The following TAFA1 variants were observed in gnomAD, a reference collection of about 807,000 sequenced individuals.
The protein encoded by TAFA1 is TAFA chemokine like family member 1.
Under a neutral mutation model 18.5 loss-of-function variants are expected in TAFA1, and 4 were observed. The ratio of observed to expected loss-of-function variants is 0.22; its 90% CI spans 0.11 to 0.49. The LOEUF (loss-of-function observed/expected upper bound fraction) is 0.49, where lower values mean the gene tolerates loss of function less well. TAFA1 is among the 20% of genes least tolerant of loss of function. The pLI, the probability that TAFA1 is intolerant of heterozygous loss-of-function variation, is 0.98. For missense variants in TAFA1, 147 were observed against 169.0 expected (o/e 0.87, Z 0.72); for synonymous variants, 56 against 55.2 (o/e 1.01, Z -0.06).
At chr3:68,147,315 A>G (rs899782498) in intron 2 of TAFA1, among the ~76,000 whole-genome samples, 2 of 151,920 alleles carry the variant, frequency 1.3e-5, no homozygotes, top group Non-Finnish European at 2.9e-5. Context: ...GAGCCAGCCA[A>G]ATTATCCAAA....
intron 2 of TAFA1, among the ~76,000 whole-genome samples, chr3:68,187,458 G>C (rs2066284807): frequency 6.6e-6 from 1 of 151,996 alleles, no homozygotes; most frequent in Admixed American, 6.6e-5. Context: ...ATGGTGGGCT[G>C]ATACACTCAT....
intron 3 of TAFA1, among the ~76,000 whole-genome samples, chr3:68,440,888 G>T (rs922198235): frequency 6.6e-6 from 1 of 152,158 alleles, no homozygotes; most frequent in Non-Finnish European, 1.5e-5. Flanking sequence ...GGAGCCCAAA[G>T]TGTCCAGGTG....
chr3:68,329,426 C>T (rs2068828807), intron 2 of TAFA1, among the ~76,000 whole-genome samples: 1 of 151,740 alleles, frequency 6.6e-6, no homozygotes, highest in Admixed American at 6.6e-5. Context: ...CAAAGACTGC[C>T]CCTCAAGGAT....
At chr3:68,231,989 GC>G (rs1428602243) in intron 2 of TAFA1, among the ~76,000 whole-genome samples, 33 of 152,078 alleles carry the variant, frequency 2.2e-4, no homozygotes, top group African/African-American at 8.0e-4. Flanking sequence ...TATTTTTGAT[GC>G]AAGTGTACAG....
chr3:68,134,768 G>A (rs1575637055), intron 2 of TAFA1, among the ~76,000 whole-genome samples: 1 of 152,176 alleles, frequency 6.6e-6, no homozygotes, highest in Non-Finnish European at 1.5e-5. Context: ...AAGAGATAGG[G>A]TCTCTAGCCT....
chr3:68,157,596 T>A (rs2065880081), intron 2 of TAFA1, among the ~76,000 whole-genome samples: 1 of 152,220 alleles, frequency 6.6e-6, no homozygotes, highest in South Asian at 2.1e-4. Flanking sequence ...GGTTTTATGT[T>A]TCCCATTTAT....
chr3:68,496,210 A>G (rs2072546361), intron 3 of TAFA1, among the ~76,000 whole-genome samples: 1 of 152,122 alleles, frequency 6.6e-6, no homozygotes, highest in African/African-American at 2.4e-5. Flanking sequence ...CAGCCAGGAT[A>G]TTGTGGTAGA....
At chr3:68,077,763 T>G (rs2064845311) in intron 2 of TAFA1, among the ~76,000 whole-genome samples, 1 of 151,996 alleles carries the variant, frequency 6.6e-6, no homozygotes, top group Non-Finnish European at 1.5e-5. Flanking sequence ...GCTTTGTTCT[T>G]TTGGCTTAGG....
intron 2 of TAFA1, among the ~76,000 whole-genome samples, chr3:68,323,799 T>C (rs1185269307): frequency 6.6e-6 from 1 of 152,182 alleles, no homozygotes; most frequent in Non-Finnish European, 1.5e-5. Context: ...ATGAAACATA[T>C]GGAACTTTAG....
At chr3:68,452,544 A>G (rs960365564) in intron 3 of TAFA1, among the ~76,000 whole-genome samples, 20 of 141,920 alleles carry the variant, frequency 1.4e-4, no homozygotes, top group Non-Finnish European at 2.3e-4. Flanking sequence ...AAAAAAAACT[A>G]GCAAACAAAA....
chr3:68,287,818 C>A (rs2068038355), intron 2 of TAFA1, among the ~76,000 whole-genome samples: 1 of 148,854 alleles, frequency 6.7e-6, no homozygotes, highest in Non-Finnish European at 1.5e-5. Flanking sequence ...TCTAATTATA[C>A]CTCCTTATTT....
chr3:68,093,907 A>T (rs542777247), intron 2 of TAFA1, among the ~76,000 whole-genome samples: 1 of 152,066 alleles, frequency 6.6e-6, no homozygotes, highest in Non-Finnish European at 1.5e-5. Context: ...AACCTCATAG[A>T]TCTAGTCACC....
chr3:68,408,993 T>A (rs948005805), intron 2 of TAFA1, among the ~76,000 whole-genome samples: 1 of 152,202 alleles, frequency 6.6e-6, no homozygotes, highest in African/African-American at 2.4e-5. Context: ...AGCAAGACAT[T>A]ATTTTTTAAA....
intron 2 of TAFA1, among the ~76,000 whole-genome samples, chr3:68,368,992 A>G (rs1181796205): frequency 6.6e-6 from 1 of 152,250 alleles, no homozygotes; most frequent in Admixed American, 6.5e-5. Flanking sequence ...TATGTAGAAT[A>G]TATCAAAAAT....
At chr3:68,007,878 G>T (rs889241168) in intron 2 of TAFA1, among the ~76,000 whole-genome samples, 2 of 152,202 alleles carry the variant, frequency 1.3e-5, no homozygotes, top group Non-Finnish European at 2.9e-5. Context: ...ACCTTCCGGG[G>T]CCCCGCTTGC....
At chr3:68,365,009 AC>A (rs2069539126) in intron 2 of TAFA1, among the ~76,000 whole-genome samples, 1 of 152,038 alleles carries the variant, frequency 6.6e-6, no homozygotes, top group Admixed American at 6.6e-5. Flanking sequence ...TCTGTAAGGG[AC>A]CTTATGATTT....
intron 2 of TAFA1, among the ~76,000 whole-genome samples, chr3:68,387,268 T>G (rs1468970100): frequency 6.6e-6 from 1 of 152,128 alleles, no homozygotes; most frequent in South Asian, 2.1e-4. Context: ...TGACATTCTC[T>G]ATGCTAGACT....
intron 2 of TAFA1, among the ~76,000 whole-genome samples, chr3:68,046,433 ACTCT>A (rs1234085309): frequency 6.6e-6 from 1 of 152,144 alleles, no homozygotes; most frequent in African/African-American, 2.4e-5. Flanking sequence ...TGATGAATAC[ACTCT>A]CTCACAGTTG....
chr3:68,339,550 A>G (rs1190741873), intron 2 of TAFA1, among the ~76,000 whole-genome samples: 4 of 152,236 alleles, frequency 2.6e-5, no homozygotes, highest in Non-Finnish European at 4.4e-5. Flanking sequence ...GAAAAAGTTT[A>G]TTAAAAGCTC....
Sources: allele counts gnomAD v4.1 joint callset (sites outside exome capture counted in the v4.1 genomes callset), GRCh38; gene constraint gnomAD v4.1.1; transcripts MANE v1.5; gene names NCBI Gene and HGNC (gene_info 2026-07-23, HGNC 2026-07-21).